KCTD18: variants seen among roughly 807,000 people sequenced by gnomAD.
KCTD18 encodes potassium channel tetramerization domain containing 18, also known as BTB/POZ domain-containing protein KCTD18.
A neutral mutation model predicts 30.4 loss-of-function variants in KCTD18; 22 were observed. The ratio of observed to expected loss-of-function variants is 0.72; its 90% CI spans 0.52 to 1.03. The LOEUF (loss-of-function observed/expected upper bound fraction) is 1.03, where lower values mean the gene tolerates loss of function less well. Among genes scored for constraint, KCTD18 ranks in the 50% least tolerant of loss-of-function variants. The probability of loss-of-function intolerance (pLI) is 0.00; values close to 1 mark genes in which losing one functional copy is unlikely to be tolerated. For missense variants in KCTD18, 529 were observed against 547.6 expected, an observed-to-expected ratio of 0.97 and a Z score of 0.34; for synonymous variants, 186 against 209.0, an observed-to-expected ratio of 0.89 and a Z score of 0.95.
chr2:200,505,680 T>C (rs2030147969), intron 2 of KCTD18, among the ~76,000 whole-genome samples: 1 of 152,150 alleles, frequency 6.6e-6, no homozygotes, highest in South Asian at 2.1e-4. Flanking sequence ...CTCATCACTA[T>C]GTCCAGTGTT....
Position 200,489,817 on chromosome 2 carries a change from T to TTATAC in KCTD18, c.*282_*283insGTATA, listed in dbSNP as rs536764589. The stretch of plus-strand genomic sequence containing the variant: ...CCTCTCTAGAGATTATTTGTTGTAC[T>TTATAC]GTCTTGTTGCCTTAATACGAATTAA... On this transcript the variant is annotated 3_prime_UTR_variant, in exon 7 of 7. Coordinates refer to ENST00000359878, the MANE Select transcript of KCTD18 (RefSeq NM_152387.4). 1.4e-3 allele frequency: 550 copies of TTATAC among 385,550 alleles called. 2 individuals are homozygous for TTATAC. The highest frequency in any genetic ancestry group is 0.01 in the African/African-American group (501 of 48,776). The allele number at this position is 385,550 out of a possible 1,614,324, so 23.9% of individuals were successfully genotyped here.
At chr2:200,498,426 T>A (rs949492339) in intron 4 of KCTD18, among the ~76,000 whole-genome samples, 10 of 152,182 alleles carry the variant, frequency 6.6e-5, no homozygotes, top group African/African-American at 2.4e-4. Context: ...ATTTAACATG[T>A]TCAAGTCATA....
rs760932856 is a variant in KCTD18 at position 200,490,393 on chromosome 2, T to C, written c.988A>G (p.Arg330Gly). Residue 330 changes from arginine (R) to glycine (G), a missense_variant, in exon 7 of 7, where the codon AGA becomes GGA. Physicochemically the swap from Arg to Gly is moderately radical, Grantham distance 125. Transcript: ENST00000359878. The stretch of plus-strand genomic sequence containing the variant: ...CCCGTGCCCACCAGGGCCGTGGCTC[T>C]GGAAGGTGCAGAGCGCTGAGCTGCC... ...RKAAQRSAPS[R>G]ATALVGTGAP... is the part of the protein sequence containing the mutation. 8 of 1,614,204 alleles carry C rather than the reference T, an allele frequency of 5.0e-6. No homozygotes were observed. The East Asian group carries it at 6.7e-5, about 13-fold the overall frequency.
chr2:200,490,512 T>C lies in KCTD18; in HGVS notation c.869A>G (p.Lys290Arg). Residue 290 changes from lysine to arginine, a missense_variant, in exon 7 of 7, where the codon AAG (lysine) becomes AGG (arginine). Transcript: ENST00000359878. ...AGACACCGTGACTGAGGCCGAGTTC[T>C]TGACTTTAATTTGGGTACTTGTGGA... ...GPSTSTQIKVKNSASVTVSPA... is the reference protein window; with the variant it reads ...GPSTSTQIKVRNSASVTVSPA... 1 of 1,608,060 alleles carries C rather than the reference T, an allele frequency of 6.2e-7. No individual in the cohort carries two copies. The highest frequency in any genetic ancestry group is 8.5e-7 in the Non-Finnish European group (1 of 1,180,008).
chr2:200,494,788 C>A (rs1303635537), intron 5 of KCTD18, among the ~76,000 whole-genome samples: 3 of 152,170 alleles, frequency 2.0e-5, no homozygotes, highest in Non-Finnish European at 4.4e-5. Context: ...TATCCATAGT[C>A]ATAATCTGTA....
At position 200,507,357 on chromosome 2, in the gene KCTD18, T is replaced by A. The variant is rs540305338; in HGVS notation, c.-75-266A>T. Among the ~76,000 whole-genome samples, 6 of 152,334 alleles carry A rather than the reference T, an allele frequency of 3.9e-5. No individual in the cohort carries two copies. The East Asian group carries it at 5.8e-4, about 15-fold the overall frequency. On this transcript the variant is annotated intron_variant, in intron 1 of 6. Coordinates refer to ENST00000359878, the MANE Select transcript of KCTD18 (RefSeq NM_152387.4). ...TTTAAACATGGTAATGCACTCTCTG[T>A]CACACAGCAAACAAAGGAGAGGCCT...
Position 200,506,943 on chromosome 2 carries a change from G to A in KCTD18, c.74C>T (p.Ala25Val). The change falls in exon 2 of 7, where the codon GCC (alanine) becomes GTC (valine). Residue 25 changes from alanine to valine, a missense_variant. Physicochemically the swap from Ala to Val is moderately conservative, Grantham distance 64. Coordinates refer to ENST00000359878, the MANE Select transcript of KCTD18 (RefSeq NM_152387.4). The stretch of plus-strand genomic sequence containing the variant: ...GAAGCGGCACAAGGACTCCCGCCGG[G>A]CTGTGTAAATACAGCCACCCACGTT... ...RLNVGGCIYT[A>V]RRESLCRFKD... 1 of 1,613,986 alleles carries A rather than the reference G, an allele frequency of 6.2e-7. No individual in the cohort carries two copies. Among genetic ancestry groups the A allele is most frequent in the Non-Finnish European group, 8.5e-7 (1 of 1,179,920 alleles).
rs752537799 is a variant in KCTD18 at position 200,506,928 on chromosome 2, A to G, written c.89T>C (p.Leu30Ser). ...CAACATGGAGTCCTTGAAGCGGCAC[A>G]AGGACTCCCGCCGGGCTGTGTAAAT... ...GCIYTARRESLCRFKDSMLAS... is the reference protein window; with the variant it reads ...GCIYTARRESSCRFKDSMLAS... The change falls in exon 2 of 7, where the codon TTG becomes TCG. Residue 30 changes from leucine to serine, a missense_variant. Coordinates refer to ENST00000359878, the MANE Select transcript of KCTD18 (RefSeq NM_152387.4). The G allele has an allele frequency of 6.2e-7, 1 of 1,613,966 alleles. No homozygotes were observed. Among genetic ancestry groups the G allele is most frequent in the Non-Finnish European group, 8.5e-7 (1 of 1,179,966 alleles).
At chr2:200,491,924 A>T (rs2087924183) in intron 6 of KCTD18, among the ~76,000 whole-genome samples, 1 of 152,216 alleles carries the variant, frequency 6.6e-6, no homozygotes, top group Non-Finnish European at 1.5e-5. Flanking sequence ...CAAAGAGTGC[A>T]AATATAATAT....
intron 1 of KCTD18, 89 bp from the exon 2 acceptor site, chr2:200,507,180 A>T (rs931576678): frequency 2.0e-6 from 1 of 506,342 alleles, no homozygotes. Flanking sequence ...GACTGAAAAT[A>T]AATTCCTCAG....
In KCTD18 at chr2:200,497,524, C is replaced by G. The variant is rs559074575; in HGVS notation, c.661+229G>C. 625 of 440,192 alleles carry G rather than the reference C, an allele frequency of 1.4e-3. 1 individual carries two copies. Among genetic ancestry groups the G allele is most frequent in the African/African-American group, 0.012 (597 of 50,308 alleles). 27.3% of individuals were successfully genotyped at this position (440,192 alleles called of 1,614,324 possible). ...ATTTAATTAAATTAAATAAGCCTAG[C>G]TAACAGAAACATACCTAGTTACTGA... On this transcript the variant is annotated intron_variant, in intron 5 of 6. Transcript: ENST00000359878.
intron 5 of KCTD18, among the ~76,000 whole-genome samples, chr2:200,494,034 TG>T (rs1305838742): frequency 6.6e-6 from 1 of 152,260 alleles, no homozygotes; most frequent in Non-Finnish European, 1.5e-5. Context: ...AAATCTGTTA[TG>T]TTTTTTATTA....
In KCTD18 at chr2:200,490,305, A is replaced by G; in HGVS notation, c.1076T>C (p.Leu359Ser). The G allele has an allele frequency of 6.2e-7, 1 of 1,614,240 alleles. No homozygotes were observed. Among genetic ancestry groups the G allele is most frequent in the Non-Finnish European group, 8.5e-7 (1 of 1,180,034 alleles). Residue 359 changes from leucine (L) to serine (S), a missense_variant, in exon 7 of 7, where the codon TTA (leucine) becomes TCA (serine). Leu to Ser is a moderately radical substitution (Grantham distance 145). Coordinates refer to ENST00000359878, the MANE Select transcript of KCTD18 (RefSeq NM_152387.4). ...AASAENGGTH[L>S]PPAKVLLSDK... The stretch of plus-strand genomic sequence containing the variant: ...GGAGAGTAGCACCTTAGCTGGAGGT[A>G]AGTGCGTGCCTCCATTTTCAGCGCT...
At chr2:200,500,591 T>C (rs976792822) in intron 3 of KCTD18, among the ~76,000 whole-genome samples, 16 of 150,268 alleles carry the variant, frequency 1.1e-4, no homozygotes, top group African/African-American at 3.9e-4. Context: ...GAAGGACCTC[T>C]TCAAGGAGAA....
At chr2:200,506,826 C>A in intron 2 of KCTD18, 31 bp downstream of exon 2, 1 of 1,603,584 alleles carries the variant, frequency 6.2e-7, no homozygotes, top group South Asian at 1.1e-5. Context: ...AATAAATATT[C>A]AGATCATGCT....
At position 200,490,450 on chromosome 2, in the gene KCTD18, C is replaced by T. The variant is rs774347784; in HGVS notation, c.931G>A (p.Ala311Thr). The change falls in exon 7 of 7, where the codon GCA becomes ACA. Residue 311 changes from alanine (A) to threonine (T), a missense_variant. Coordinates refer to ENST00000359878, the MANE Select transcript of KCTD18 (RefSeq NM_152387.4). ...CGGCTACCACTTTGAAACCGGTTTGCTGTCGCCCCAGCCGACGTCTGGATG... is the reference window on the plus strand; with the variant it reads ...CGGCTACCACTTTGAAACCGGTTTGTTGTCGCCCCAGCCGACGTCTGGATG... ...SAIQTSAGATANRFQSGSRRK... is the reference protein window; with the variant it reads ...SAIQTSAGATTNRFQSGSRRK... 1.9e-6 allele frequency: 3 copies of T among 1,613,994 alleles called. No individual in the cohort carries two copies. The highest frequency in any genetic ancestry group is 1.6e-4 in the Middle Eastern group (1 of 6,062).
intron 2 of KCTD18, 138 bp from the exon 3 acceptor site, chr2:200,505,097 T>C (rs1203051014): frequency 5.9e-6 from 4 of 674,810 alleles, no homozygotes; most frequent in Non-Finnish European, 9.9e-6. Context: ...AGTGTTCAAA[T>C]AGGTTTATGT....
At chr2:200,495,690 T>C (rs2087987900) in intron 5 of KCTD18, among the ~76,000 whole-genome samples, 1 of 152,142 alleles carries the variant, frequency 6.6e-6, no homozygotes, top group Non-Finnish European at 1.5e-5. Context: ...TTTCTGGGAA[T>C]TTTATGGTCA....
chr2:200,495,889 A>G (rs954810169), intron 5 of KCTD18: 3 of 151,978 alleles, frequency 2.0e-5, no homozygotes, highest in African/African-American at 7.3e-5. Context: ...TGTGTTTAAC[A>G]TTTATGCCTA....
Sources: allele counts gnomAD v4.1 joint callset (sites outside exome capture counted in the v4.1 genomes callset), GRCh38; gene constraint gnomAD v4.1.1; transcripts MANE v1.5; gene names NCBI Gene and HGNC (gene_info 2026-07-23, HGNC 2026-07-21).